MCF2L2: variants seen among roughly 807,000 people sequenced by gnomAD.
The protein encoded by MCF2L2 is MCF.2 cell line derived transforming sequence-like 2.
A neutral mutation model predicts 150.2 loss-of-function variants in MCF2L2; 102 were observed. The ratio of observed to expected loss-of-function variants is 0.68; its 90% CI spans 0.58 to 0.80. The LOEUF (loss-of-function observed/expected upper bound fraction) is 0.80, where lower values mean the gene tolerates loss of function less well. Ranked by LOEUF, MCF2L2 falls within the 30% of genes least tolerant of loss-of-function variation. The pLI is 0.00. For missense variants in MCF2L2, 1,256 were observed against 1,372.8 expected, an observed-to-expected ratio of 0.91 and a Z score of 1.34; for synonymous variants, 465 against 491.3, an observed-to-expected ratio of 0.95 and a Z score of 0.71.
chr3:183,364,404 CA>C (rs1712399614), intron 3 of MCF2L2, among the ~76,000 whole-genome samples: 1 of 152,038 alleles, frequency 6.6e-6, no homozygotes, highest in African/African-American at 2.4e-5. Flanking sequence ...CCTGTAGTCC[CA>C]GCTACTCAGG....
At chr3:183,326,495 AAAAAAAAAAAAAAAAAAAAAAC>A (rs1730037068) in intron 5 of MCF2L2, among the ~76,000 whole-genome samples, 1 of 119,948 alleles carries the variant, frequency 8.3e-6, no homozygotes, top group African/African-American at 3.6e-5. Flanking sequence ...TCCGTCTCAA[AAAAAAAAAAAAAAAAAAAAAAC>A]AAAAAAAAAC....
Position 183,355,416 on chromosome 3 carries a change from T to C in MCF2L2, c.276-13786A>G, listed in dbSNP as rs748196917. 1.3e-4 allele frequency among the ~76,000 whole-genome samples: 19 copies of C among 151,218 alleles called. 1 individual carries two copies. Among genetic ancestry groups the C allele is most frequent in the Non-Finnish European group, 8.8e-5 (6 of 67,886 alleles). On this transcript the variant is annotated intron_variant, in intron 3 of 29. Transcript: ENST00000328913. ...GGGGCAGAAAGCAGGAATAGCAAAATAATTACTTAGCTACCATAATCAACA... is the reference window on the plus strand; with the variant it reads ...GGGGCAGAAAGCAGGAATAGCAAAACAATTACTTAGCTACCATAATCAACA...
chr3:183,427,931 CG>C lies in MCF2L2; in HGVS notation c.46del (p.Arg16GlyfsTer6). The C allele has an allele frequency of 6.2e-7, 1 of 1,614,116 alleles. No homozygotes were observed. Among genetic ancestry groups the C allele is most frequent in the Non-Finnish European group, 8.5e-7 (1 of 1,179,978 alleles). The part of the protein sequence containing the change: ...KEEMPPQELT[R>X]RLATVITHVD... The stretch of plus-strand genomic sequence containing the variant: ...ATGAGTGATCACTGTGGCCAGTCGC[CG>C]GGTGAGCTCCTGGGGAGGCATCTCT... On this transcript the variant is annotated frameshift_variant, in exon 1 of 30. Transcript: ENST00000328913. LOFTEE classifies it high-confidence loss of function.
chr3:183,213,684 A>T (rs1208924464), intron 22 of MCF2L2, among the ~76,000 whole-genome samples: 1 of 152,198 alleles, frequency 6.6e-6, no homozygotes, highest in Non-Finnish European at 1.5e-5. Context: ...TCAGAAACAG[A>T]TAAAGAGTGG....
chr3:183,320,677 A>G (rs533327098), intron 6 of MCF2L2, among the ~76,000 whole-genome samples: 2 of 152,336 alleles, frequency 1.3e-5, no homozygotes, highest in South Asian at 2.1e-4. Flanking sequence ...AACTTTCTCC[A>G]TATCAGCAAG....
chr3:183,402,002 A>T (rs1714779804), intron 1 of MCF2L2, among the ~76,000 whole-genome samples: 1 of 152,234 alleles, frequency 6.6e-6, no homozygotes, highest in South Asian at 2.1e-4. Flanking sequence ...GAAACTGTCA[A>T]ATCTTTTCCC....
chr3:183,388,493 T>C (rs190451732), intron 2 of MCF2L2, among the ~76,000 whole-genome samples: 6 of 152,324 alleles, frequency 3.9e-5, no homozygotes, highest in Non-Finnish European at 5.9e-5. Context: ...GGTGCCTAAC[T>C]AGGCATCTGG....
intron 15 of MCF2L2, among the ~76,000 whole-genome samples, chr3:183,263,813 T>C (rs1725842188): frequency 6.6e-6 from 1 of 152,176 alleles, no homozygotes; most frequent in African/African-American, 2.4e-5. Flanking sequence ...TGCTTGAAAT[T>C]AGCTCTTACT....
chr3:183,250,323 C>T (rs991397612), intron 15 of MCF2L2, among the ~76,000 whole-genome samples: 2 of 152,180 alleles, frequency 1.3e-5, no homozygotes, highest in African/African-American at 4.8e-5. Flanking sequence ...CGGTGGTTCA[C>T]GCCTGTAGTC....
In MCF2L2 at chr3:183,197,828, A is replaced by T. The variant is rs897968073; in HGVS notation, c.2885-2573T>A. On this transcript the variant is annotated intron_variant, in intron 25 of 29. Coordinates refer to ENST00000328913, the MANE Select transcript of MCF2L2 (RefSeq NM_015078.4). This position sits in a 1 kb window ranked among gnomAD's most constrained non-coding sequence, Gnocchi z 4.5. ...GATAAAGATGGCAAAGAAGCACATA[A>T]AGAGATGCTCAACCATTAGTTACTA... Among the ~76,000 whole-genome samples, 2 of 152,334 alleles carry T rather than the reference A, an allele frequency of 1.3e-5. No homozygotes were observed. The highest frequency in any genetic ancestry group is 1.5e-5 in the Non-Finnish European group (1 of 68,032).
chr3:183,428,208 G>A lies in MCF2L2; in HGVS notation c.-231C>T, dbSNP rs1560072141. ...CTGGCGCTTTCCCAGCGTCGCAGCT[G>A]GACCGAGAGAGGAGCGGCCGTTCTG... On this transcript the variant is annotated 5_prime_UTR_variant, in exon 1 of 30. Coordinates refer to ENST00000328913, the MANE Select transcript of MCF2L2 (RefSeq NM_015078.4). The surrounding 1 kb of genome is among the most constrained non-coding windows in gnomAD (Gnocchi z 5.1). 2.0e-6 allele frequency: 1 copy of A among 508,172 alleles called. No homozygotes were observed. Among genetic ancestry groups the A allele is most frequent in the Non-Finnish European group, 3.4e-6 (1 of 290,626 alleles). 31.5% of individuals were successfully genotyped at this position (508,172 alleles called of 1,614,324 possible).
At chr3:183,237,964 T>TAGTC (rs1436359059) in intron 15 of MCF2L2, among the ~76,000 whole-genome samples, 3 of 132,976 alleles carry the variant, frequency 2.3e-5, no homozygotes, top group Admixed American at 8.0e-5. Context: ...ATGTACCCAG[T>TAGTC]AGTCATTCAG....
intron 7 of MCF2L2, among the ~76,000 whole-genome samples, chr3:183,315,426 A>G (rs961408695): frequency 6.6e-6 from 1 of 152,228 alleles, no homozygotes; most frequent in East Asian, 1.9e-4. Context: ...ATATAAATGC[A>G]AGCATTTCTT....
At chr3:183,194,544 G>A (rs1722018684) in intron 26 of MCF2L2, among the ~76,000 whole-genome samples, 2 of 152,132 alleles carry the variant, frequency 1.3e-5, no homozygotes, top group Admixed American at 1.3e-4. Flanking sequence ...AAAGTAGGAG[G>A]CAGGGCAGCC....
At chr3:183,294,557 G>A (rs6764749) in intron 13 of MCF2L2, among the ~76,000 whole-genome samples, 14,424 of 146,936 alleles carry the variant, frequency 0.098, 2,037 homozygotes, top group African/African-American at 0.31. Context: ...ATGTATGTGT[G>A]TGTGTGTGTG....
intron 3 of MCF2L2, chr3:183,372,739 C>T (rs912191316): frequency 6.6e-6 from 1 of 152,104 alleles, no homozygotes; most frequent in Non-Finnish European, 1.5e-5. Flanking sequence ...ACAAAATTAA[C>T]CATTGATATG....
intron 27 of MCF2L2, among the ~76,000 whole-genome samples, chr3:183,192,000 G>C (rs13091371): frequency 0.55 from 81,586 of 149,634 alleles, 24,558 homozygotes; most frequent in Non-Finnish European, 0.67. Flanking sequence ...ACCACCAAGC[G>C]CAGCTAATTT....
intron 7 of MCF2L2, among the ~76,000 whole-genome samples, chr3:183,316,218 A>C (rs955263135): frequency 2.0e-5 from 3 of 152,196 alleles, no homozygotes; most frequent in African/African-American, 7.2e-5. Flanking sequence ...GTAGGTTTGG[A>C]AAAGCAAAGG....
At chr3:183,375,488 T>G (rs560897755) in intron 3 of MCF2L2, 19 of 152,322 alleles carry the variant, frequency 1.2e-4, no homozygotes, top group African/African-American at 3.9e-4. Context: ...TCACAAAAGA[T>G]ATTGATAACA....
Sources: allele counts gnomAD v4.1 joint callset (sites outside exome capture counted in the v4.1 genomes callset), GRCh38; gene constraint gnomAD v4.1.1; non-coding constraint Gnocchi (gnomAD v3.1); transcripts MANE v1.5; gene names NCBI Gene and HGNC (gene_info 2026-07-23, HGNC 2026-07-21).